PTP4A2: variants seen among roughly 807,000 people sequenced by gnomAD.
PTP4A2 encodes protein tyrosine phosphatase 4A2.
A neutral mutation model predicts 22.9 loss-of-function variants in PTP4A2; 2 were observed. That is an observed-to-expected ratio of 0.09 (90% CI 0.04 to 0.27). The LOEUF (loss-of-function observed/expected upper bound fraction) is 0.27. Ranked by LOEUF, PTP4A2 falls within the 10% of genes least tolerant of loss-of-function variation. PTP4A2 has a pLI of 1.00. For missense variants in PTP4A2, 103 were observed against 205.1 expected (o/e 0.50, Z 3.04); for synonymous variants, 68 against 69.1 (o/e 0.98, Z 0.08).
chr1:31,912,083 G>A (rs752150226), intron 3 of PTP4A2, among the ~76,000 whole-genome samples: 2 of 152,174 alleles, frequency 1.3e-5, no homozygotes, highest in Non-Finnish European at 2.9e-5. Context: ...CTCTATCAGA[G>A]TCATAAGAGC....
intron 1 of PTP4A2, among the ~76,000 whole-genome samples, chr1:31,937,466 T>C (rs560875390): frequency 6.6e-6 from 1 of 151,628 alleles, no homozygotes; most frequent in East Asian, 1.9e-4. Flanking sequence ...GCTCACACAC[T>C]GGACACACGC....
At chr1:31,929,866 T>C (rs994824857) in intron 1 of PTP4A2, among the ~76,000 whole-genome samples, 3 of 152,170 alleles carry the variant, frequency 2.0e-5, no homozygotes, top group Non-Finnish European at 4.4e-5. Context: ...CAACACCACA[T>C]TGAAATGTTT....
intron 1 of PTP4A2, chr1:31,935,632 T>C (rs1175159678): frequency 1.3e-5 from 2 of 152,170 alleles, no homozygotes; most frequent in Non-Finnish European, 2.9e-5. Flanking sequence ...TGTAAATCCA[T>C]GGGAGCTCAT....
chr1:31,936,388 C>A (rs750907547), intron 1 of PTP4A2, among the ~76,000 whole-genome samples: 1 of 151,492 alleles, frequency 6.6e-6, no homozygotes, highest in Non-Finnish European at 1.5e-5. Context: ...ACAAACAGAG[C>A]GAGACTCCAT....
At chr1:31,912,775 TTAAGA>T (rs1298441158) in intron 3 of PTP4A2, among the ~76,000 whole-genome samples, 3 of 152,138 alleles carry the variant, frequency 2.0e-5, no homozygotes, top group Non-Finnish European at 2.9e-5. Context: ...TAAGGACACT[TTAAGA>T]TATTAGGGGA....
chr1:31,918,292 TAC>T (rs1027395418), intron 2 of PTP4A2, among the ~76,000 whole-genome samples: 3 of 150,808 alleles, frequency 2.0e-5, no homozygotes, highest in African/African-American at 7.3e-5. Flanking sequence ...CTCAAAGAAG[TAC>T]AAAGAGTTTT....
At position 31,919,208 on chromosome 1, in the gene PTP4A2, T is replaced by C; in HGVS notation, c.-143A>G. 2.1e-6 allele frequency: 1 copy of C among 478,040 alleles called. No homozygotes were observed. The highest frequency in any genetic ancestry group is 3.7e-5 in the Admixed American group (1 of 27,386). 29.6% of individuals were successfully genotyped at this position (478,040 alleles called of 1,614,324 possible). On this transcript the variant is annotated 5_prime_UTR_variant, in exon 2 of 6. Coordinates refer to ENST00000647444, the MANE Select transcript of PTP4A2 (RefSeq NM_080391.4). ...CTATTATCAATCAGTGTTTTCTCTA[T>C]TCAACTTGTTTATTCCTTATGAAGC...
chr1:31,919,074 A>G lies in PTP4A2; in HGVS notation c.-9T>C. 1 of 1,509,414 alleles carries G rather than the reference A, an allele frequency of 6.6e-7. No homozygotes were observed. The highest frequency in any genetic ancestry group is 2.3e-5 in the East Asian group (1 of 44,300). 93.5% of individuals were successfully genotyped at this position (1,509,414 alleles called of 1,614,324 possible). A position where few individuals can be genotyped will look rare whatever the true frequency, so the allele number is the denominator to read the frequency against. ...GGGGCTGGACGGTTCATTATGGCAAATAAAAAGTGTGAGCGTGCGTGTGAG... is the reference window on the plus strand; with the variant it reads ...GGGGCTGGACGGTTCATTATGGCAAGTAAAAAGTGTGAGCGTGCGTGTGAG... On this transcript the variant is annotated 5_prime_UTR_variant, in exon 2 of 6. Coordinates refer to ENST00000647444, the MANE Select transcript of PTP4A2 (RefSeq NM_080391.4).
intron 1 of PTP4A2, chr1:31,933,959 G>A (rs1652833395): frequency 6.6e-6 from 1 of 152,096 alleles, no homozygotes; most frequent in Non-Finnish European, 1.5e-5. Flanking sequence ...AGTCCACCAT[G>A]TTAAAACTAT....
chr1:31,927,826 A>C (rs1652536534), intron 1 of PTP4A2, among the ~76,000 whole-genome samples: 1 of 152,212 alleles, frequency 6.6e-6, no homozygotes, highest in African/African-American at 2.4e-5. Flanking sequence ...AGATTGTAAA[A>C]TCTTCTCAAC....
intron 2 of PTP4A2, among the ~76,000 whole-genome samples, chr1:31,917,278 A>G (rs1037951765): frequency 2.0e-5 from 3 of 152,252 alleles, no homozygotes; most frequent in African/African-American, 2.4e-5. Flanking sequence ...TCAGGGAATT[A>G]TAAGTATAAA....
intron 1 of PTP4A2, among the ~76,000 whole-genome samples, chr1:31,934,582 T>C (rs1284314592): frequency 6.6e-6 from 1 of 152,250 alleles, no homozygotes; most frequent in East Asian, 1.9e-4. Flanking sequence ...CAACTTTGTG[T>C]CTGAAAATTG....
intron 3 of PTP4A2, chr1:31,913,713 T>A (rs1004392515): frequency 2.1e-5 from 9 of 435,062 alleles, no homozygotes; most frequent in Non-Finnish European, 4.1e-5. Flanking sequence ...CTGGAATAAA[T>A]CTTAGGCCTA....
At chr1:31,921,535 T>A (rs891983715) in intron 1 of PTP4A2, 6 of 152,218 alleles carry the variant, frequency 3.9e-5, no homozygotes, top group Non-Finnish European at 4.4e-5. Context: ...TTTATTATTA[T>A]TTTTAGGCCT....
intron 2 of PTP4A2, among the ~76,000 whole-genome samples, chr1:31,917,865 T>C (rs893877749): frequency 6.7e-6 from 1 of 148,344 alleles, no homozygotes; most frequent in Non-Finnish European, 1.5e-5. Flanking sequence ...TCCCAGCTAC[T>C]TGGGAGCTGA....
At chr1:31,927,929 A>C (rs1652541936) in intron 1 of PTP4A2, among the ~76,000 whole-genome samples, 1 of 152,092 alleles carries the variant, frequency 6.6e-6, no homozygotes, top group Admixed American at 6.6e-5. Context: ...AAACTTGTAA[A>C]CTAAAAAACC....
chr1:31,912,145 G>A (rs1651568923), intron 3 of PTP4A2, among the ~76,000 whole-genome samples: 1 of 152,166 alleles, frequency 6.6e-6, no homozygotes, highest in Admixed American at 6.5e-5. Context: ...AGACATAATA[G>A]ACAAAACTGT....
chr1:31,918,542 C>G (rs942897955), intron 2 of PTP4A2, among the ~76,000 whole-genome samples: 2 of 152,208 alleles, frequency 1.3e-5, no homozygotes, highest in Non-Finnish European at 2.9e-5. Flanking sequence ...AGGCAAATTA[C>G]TAAATGGCTC....
At chr1:31,930,004 C>A (rs925614772) in intron 1 of PTP4A2, among the ~76,000 whole-genome samples, 1 of 152,142 alleles carries the variant, frequency 6.6e-6, no homozygotes, top group African/African-American at 2.4e-5. Flanking sequence ...GAGTAGCATG[C>A]AAAGCAAAAA....
Sources: gnomAD v4.1 joint callset for allele counts (sites outside exome capture counted in the v4.1 genomes callset) on GRCh38, gnomAD v4.1.1 for gene constraint, MANE v1.5 for transcripts, NCBI Gene and HGNC (gene_info 2026-07-23, HGNC 2026-07-21) for gene names.